TTLL4: variants seen among roughly 807,000 people sequenced by gnomAD.
TTLL4 encodes tubulin monoglutamylase TTLL4.
A neutral mutation model predicts 122.7 loss-of-function variants in TTLL4; 85 were observed. The observed-to-expected ratio is 0.69, with a 90% CI of 0.58 to 0.83. The LOEUF (loss-of-function observed/expected upper bound fraction) is 0.83, where lower values mean the gene tolerates loss of function less well. TTLL4 is among the 40% of genes least tolerant of loss of function. The pLI, the probability that TTLL4 is intolerant of heterozygous loss-of-function variation, is 0.00. For synonymous variants in TTLL4, 553 were observed against 563.0 expected (o/e 0.98, Z 0.25); for missense variants, 1,363 against 1,488.6 (o/e 0.92, Z 1.39).
chr2:218,748,993 G>A (rs1942939579), intron 13 of TTLL4, 59 bp downstream of exon 13: 5 of 1,550,488 alleles, frequency 3.2e-6, no homozygotes, highest in Non-Finnish European at 4.4e-6. Flanking sequence ...CTTTCTCCTG[G>A]GCCTCACACT....
downstream of TTLL4, among the ~76,000 whole-genome samples, chr2:218,759,318 G>A (rs948979490): frequency 2.6e-5 from 4 of 152,216 alleles, no homozygotes; most frequent in African/African-American, 9.6e-5. Flanking sequence ...GGGAGGCCAA[G>A]GCAGGAGGAT....
In TTLL4 at chr2:218,747,106, T is replaced by C. The variant is rs1942864250; in HGVS notation, c.2078T>C (p.Phe693Ser). 1 of 1,614,118 alleles carries C rather than the reference T, an allele frequency of 6.2e-7. No individual in the cohort carries two copies. The highest frequency in any genetic ancestry group is 8.5e-7 in the Non-Finnish European group (1 of 1,180,016). Residue 693 changes from phenylalanine (F) to serine (S), a missense_variant, in exon 9 of 20, where the codon TTC becomes TCC. Around this residue, in one of 3 missense-constraint regions of TTLL4, gnomAD observed 596 missense variants for 655.8 expected, o/e 0.91. Coordinates refer to ENST00000392102, the MANE Select transcript of TTLL4 (RefSeq NM_014640.5). This position sits in a 1 kb window ranked among gnomAD's most constrained non-coding sequence, Gnocchi z 4.7. The stretch of plus-strand genomic sequence containing the variant: ...TTTGGCAAGAAGGAGTTCAGTTTCT[T>C]CCCCCAGTCCTTTATCCTGCCCCAG... ...SRFGKKEFSF[F>S]PQSFILPQDA...
chr2:218,751,827 C>T (rs761830414), intron 16 of TTLL4, 21 bp downstream of exon 16: 14 of 1,596,414 alleles, frequency 8.8e-6, no homozygotes, highest in African/African-American at 6.8e-5. Flanking sequence ...GGTCTTCCCC[C>T]CAGTGCTAGC....
At chr2:218,744,551 C>T (rs949522128) in intron 5 of TTLL4, among the ~76,000 whole-genome samples, 1 of 152,188 alleles carries the variant, frequency 6.6e-6, no homozygotes, top group African/African-American at 2.4e-5. Flanking sequence ...CAAATCACTT[C>T]CAAAATGGAG....
chr2:218,756,644 T>C (rs1412872029), downstream of TTLL4, among the ~76,000 whole-genome samples: 2 of 152,196 alleles, frequency 1.3e-5, no homozygotes, highest in Non-Finnish European at 2.9e-5. Flanking sequence ...AGCAGGAATT[T>C]TTGAGAAGGA....
chr2:218,736,760 G>A (rs534369282), intron 2 of TTLL4, among the ~76,000 whole-genome samples: 1 of 152,074 alleles, frequency 6.6e-6, no homozygotes, highest in Non-Finnish European at 1.5e-5. Flanking sequence ...GTCTGAACTT[G>A]TCCTATTTAA....
rs1245067763 is a variant in TTLL4, at chr2:218,748,157, T to A, written c.2431T>A (p.Tyr811Asn). The change falls in exon 12 of 20, where the codon TAC becomes AAC. Residue 811 changes from tyrosine (Y) to asparagine (N), a missense_variant. Tyr to Asn is a moderately radical substitution (Grantham distance 143). Coordinates refer to ENST00000392102, the MANE Select transcript of TTLL4 (RefSeq NM_014640.5). The part of the protein sequence containing the change: ...LGNKFMHLTN[Y>N]SVNKKNAEYQ... ...CAATAAGTTCATGCACCTGACCAAC[T>A]ACAGTGTCAATAAAAAGAATGCCGA... 5 of 1,613,982 alleles carry A rather than the reference T, an allele frequency of 3.1e-6. No homozygotes were observed. In the South Asian group the frequency reaches 5.5e-5, roughly 18 times the overall value.
chr2:218,756,393 A>G (rs1231181113), downstream of TTLL4, among the ~76,000 whole-genome samples: 1 of 152,208 alleles, frequency 6.6e-6, no homozygotes, highest in African/African-American at 2.4e-5. Context: ...CTTGTGAGCA[A>G]TGAAGGTCCT....
chr2:218,721,277 C>T (rs2106397536), intron 1 of TTLL4, among the ~76,000 whole-genome samples: 1 of 152,206 alleles, frequency 6.6e-6, no homozygotes, highest in Admixed American at 6.5e-5. Context: ...GGGGTTCTGC[C>T]ATGTGGCCCA....
chr2:218,719,083 A>G (rs1301119749), intron 1 of TTLL4, among the ~76,000 whole-genome samples: 1 of 152,142 alleles, frequency 6.6e-6, no homozygotes, highest in Admixed American at 6.6e-5. Context: ...TTCACATTGA[A>G]CATATCCATC....
At chr2:218,758,137 CAT>C (rs1943186643), downstream of TTLL4, among the ~76,000 whole-genome samples, 1 of 152,146 alleles carries the variant, frequency 6.6e-6, no homozygotes, top group Admixed American at 6.5e-5. Context: ...TGCAAGCAGT[CAT>C]ATGTTGCTCT....
At chr2:218,754,017 T>A (rs1943095684) in intron 19 of TTLL4, 117 bp from the exon 20 acceptor site, 1 of 1,400,436 alleles carries the variant, frequency 7.1e-7, no homozygotes, top group Admixed American at 2.2e-5. Flanking sequence ...TCCATGTAAT[T>A]TTGGCCTACA....
In TTLL4 at chr2:218,740,546, T is replaced by A; in HGVS notation, c.1623T>A (p.Ser541Arg). Reference protein sequence around the residue: ...EEGDSECSSLSAVSPSESVAM... With the variant: ...EEGDSECSSLRAVSPSESVAM... ...GAGACTCAGAGTGCTCCTCATTAAG[T>A]GCTGTCTCCCCCAGCGAATCGGTGG... Residue 541 changes from serine (S) to arginine (R), a missense_variant, in exon 5 of 20, where the codon AGT becomes AGA. Physicochemically the swap from Ser to Arg is moderately radical, Grantham distance 110. Transcript: ENST00000392102. The A allele has an allele frequency of 1.2e-6, 2 of 1,614,218 alleles. No homozygotes were observed. Among genetic ancestry groups the A allele is most frequent in the Non-Finnish European group, 8.5e-7 (1 of 1,180,030 alleles).
chr2:218,745,101 C>T lies in TTLL4; in HGVS notation c.1662-8C>T, dbSNP rs368752588. ...CTTTCTCTACTCCATGTTTGTTTTT[C>T]GTCTTAGAAGCTGTATGGAAATTCT... On this transcript the variant is annotated splice_polypyrimidine_tract_variant and splice_region_variant and intron_variant, in intron 5 of 19. Coordinates refer to ENST00000392102, the MANE Select transcript of TTLL4 (RefSeq NM_014640.5). 1.2e-5 allele frequency: 20 copies of T among 1,613,164 alleles called. No homozygotes were observed. Among genetic ancestry groups the T allele is most frequent in the East Asian group, 4.5e-5 (2 of 44,864 alleles).
rs938249575 is a variant in TTLL4, at chr2:218,710,999, G to A, written c.-216G>A. The A allele has an allele frequency of 6.6e-6, 1 of 152,522 alleles. No homozygotes were observed. The highest frequency in any genetic ancestry group is 1.5e-5 in the Non-Finnish European group (1 of 68,260). The allele number at this position is 152,522 out of a possible 1,614,324, so 9.4% of individuals were successfully genotyped here. A position where few individuals can be genotyped will look rare whatever the true frequency, so the allele number is the denominator to read the frequency against. ...AGCAGGCCGAGGGAGGAAGTAGCGT[G>A]GAGCCGGTGCCGAGCCGGGGCGAAG... is the stretch of plus-strand genomic sequence containing the variant. On this transcript the variant is annotated 5_prime_UTR_variant, in exon 1 of 20. Transcript: ENST00000392102.
At chr2:218,759,539 C>CA (rs1257771160), downstream of TTLL4, among the ~76,000 whole-genome samples, 2 of 152,196 alleles carry the variant, frequency 1.3e-5, no homozygotes, top group African/African-American at 4.8e-5. Flanking sequence ...GAAAGCAGAA[C>CA]AGTGCTTGCC....
chr2:218,738,604 T>C lies in TTLL4; in HGVS notation c.928T>C (p.Leu310=). Residue 310 remains leucine, a synonymous_variant, in exon 3 of 20, where the codon TTA becomes CTA. Coordinates refer to ENST00000392102, the MANE Select transcript of TTLL4 (RefSeq NM_014640.5). ...VASSWYNRNN[L]AMRAEPLSCA... is the part of the protein sequence containing the mutation. The stretch of plus-strand genomic sequence containing the variant: ...CTCTTCCTGGTATAACCGGAATAAC[T>C]TAGCCATGAGGGCAGAGCCACTTTC... 1 of 1,614,212 alleles carries C rather than the reference T, an allele frequency of 6.2e-7. No homozygotes were observed. The highest frequency in any genetic ancestry group is 8.5e-7 in the Non-Finnish European group (1 of 1,180,046).
At chr2:218,729,045 G>A (rs985584853) in intron 2 of TTLL4, among the ~76,000 whole-genome samples, 1 of 150,364 alleles carries the variant, frequency 6.7e-6, no homozygotes, top group African/African-American at 2.5e-5. Flanking sequence ...AGATGCTCCT[G>A]CCTCAGCCTC....
chr2:218,747,303 G>C lies in TTLL4; in HGVS notation c.2180G>C (p.Arg727Pro), dbSNP rs750563497. 8.1e-6 allele frequency: 13 copies of C among 1,614,154 alleles called. No individual in the cohort carries two copies. Among genetic ancestry groups the C allele is most frequent in the Non-Finnish European group, 1.1e-5 (13 of 1,180,032 alleles). Residue 727 changes from arginine to proline, a missense_variant, in exon 10 of 20, where the codon CGA becomes CCA. Transcript: ENST00000392102. The surrounding 1 kb of genome is among the most constrained non-coding windows in gnomAD (Gnocchi z 4.7). ...KWIVKPPASA[R>P]GIGIQVIHKW... Reference sequence around the variant, plus strand: ...TTCTGCTCCTAGCCAGCATCAGCTCGAGGCATTGGCATCCAGGTTATTCAC... The same window carrying C: ...TTCTGCTCCTAGCCAGCATCAGCTCCAGGCATTGGCATCCAGGTTATTCAC...
Sources: allele counts gnomAD v4.1 joint callset (sites outside exome capture counted in the v4.1 genomes callset), GRCh38; gene constraint gnomAD v4.1.1; regional missense constraint gnomAD v4.1.1; non-coding constraint Gnocchi (gnomAD v3.1); transcripts MANE v1.5; gene names NCBI Gene and HGNC (gene_info 2026-07-23, HGNC 2026-07-21).